SLC1A6: variants seen among roughly 807,000 people sequenced by gnomAD.
SLC1A6 encodes the protein solute carrier family 1 member 6.
In SLC1A6, 15 loss-of-function variants were observed where a neutral mutation model predicts 42.1. That is an observed-to-expected ratio of 0.36 (90% CI 0.24 to 0.55). The LOEUF is 0.55. Among genes scored for constraint, SLC1A6 ranks in the 20% least tolerant of loss-of-function variants. The probability of loss-of-function intolerance (pLI) is 0.88; values close to 1 mark genes in which losing one functional copy is unlikely to be tolerated. For missense variants in SLC1A6, 542 were observed against 772.5 expected (o/e 0.70, Z 3.54); for synonymous variants, 317 against 319.7 (o/e 0.99, Z 0.09).
At chr19:14,980,558 G>A (rs1265792620), upstream of SLC1A6, among the ~76,000 whole-genome samples, 1 of 151,370 alleles carries the variant, frequency 6.6e-6, no homozygotes, top group South Asian at 2.1e-4. Flanking sequence ...TTGGGAGGCC[G>A]AGGCGGGAGG....
At chr19:15,010,365 C>T (rs1264388222) in intron 1 of SLC1A6, 9 of 362,210 alleles carry the variant, frequency 2.5e-5, no homozygotes, top group East Asian at 1.6e-4. Flanking sequence ...AACAGCAAGT[C>T]CCAAGCTTCC....
At chr19:14,955,273 G>A (rs528310029) in intron 7 of SLC1A6, among the ~76,000 whole-genome samples, 1 of 152,178 alleles carries the variant, frequency 6.6e-6, no homozygotes, top group Admixed American at 6.5e-5. Context: ...CCAGCGTTAT[G>A]GGCAATTTTA....
At chr19:14,992,478 C>G (rs1011955713) in intron 1 of SLC1A6, among the ~76,000 whole-genome samples, 1 of 151,986 alleles carries the variant, frequency 6.6e-6, no homozygotes, top group Non-Finnish European at 1.5e-5. Context: ...TAGTGGCTCA[C>G]GCCTGTAATC....
At chr19:14,966,041 C>T (rs550158909) in intron 4 of SLC1A6, among the ~76,000 whole-genome samples, 18 of 151,860 alleles carry the variant, frequency 1.2e-4, no homozygotes, top group African/African-American at 2.4e-4. Flanking sequence ...AAGCGGGAGG[C>T]GGGGAGAGTA....
intron 1 of SLC1A6, among the ~76,000 whole-genome samples, chr19:14,985,118 G>A (rs1270684559): frequency 3.3e-5 from 5 of 152,204 alleles, no homozygotes; most frequent in Non-Finnish European, 7.3e-5. Flanking sequence ...CTGACCTTAG[G>A]TGATCCGCCC....
At chr19:14,996,528 T>TTCTTCTTC (rs2045846808) in intron 1 of SLC1A6, among the ~76,000 whole-genome samples, 2 of 125,952 alleles carry the variant, frequency 1.6e-5, no homozygotes, top group South Asian at 6.1e-4. Flanking sequence ...CCTCCTCCTC[T>TTCTTCTTC]TTCTTCTTCT....
upstream of SLC1A6, among the ~76,000 whole-genome samples, chr19:14,984,545 G>A (rs1308756752): frequency 3.9e-5 from 6 of 152,148 alleles, no homozygotes; most frequent in South Asian, 6.2e-4. Flanking sequence ...TCTTTGAGAC[G>A]ACACCAAAAT....
intron 6 of SLC1A6, among the ~76,000 whole-genome samples, chr19:14,960,801 G>A (rs570167769): frequency 6.6e-6 from 1 of 152,248 alleles, no homozygotes; most frequent in East Asian, 1.9e-4. Flanking sequence ...TTGATCAAGG[G>A]TACAAAATTT....
intron 1 of SLC1A6, among the ~76,000 whole-genome samples, chr19:15,002,267 GT>G (rs1314693062): frequency 4.6e-5 from 7 of 151,724 alleles, no homozygotes; most frequent in Non-Finnish European, 8.8e-5. Flanking sequence ...TTTTTGTTTT[GT>G]TTGGTTTGGT....
intron 1 of SLC1A6, chr19:14,974,232 C>T (rs942062161): frequency 1.3e-5 from 2 of 152,056 alleles, no homozygotes; most frequent in Admixed American, 6.6e-5. Flanking sequence ...TGGCAGGTGC[C>T]TGTAGTCCCA....
At chr19:14,968,116 T>A (rs1414317333) in intron 4 of SLC1A6, among the ~76,000 whole-genome samples, 187 bp downstream of exon 4, 1 of 67,432 alleles carries the variant, frequency 1.5e-5, no homozygotes, top group East Asian at 2.4e-4. Context: ...AATATGCATG[T>A]TTAGCCAACC....
At chr19:15,006,552 C>A (rs1327380983) in intron 1 of SLC1A6, among the ~76,000 whole-genome samples, 1 of 151,980 alleles carries the variant, frequency 6.6e-6, no homozygotes, top group Non-Finnish European at 1.5e-5. Flanking sequence ...CCCCACCCCC[C>A]ATTACTGAAT....
chr19:14,950,284 G>C lies in SLC1A6; in HGVS notation c.1606C>G (p.Leu536Val). The C allele has an allele frequency of 6.2e-7, 1 of 1,612,332 alleles. No individual in the cohort carries two copies. The highest frequency in any genetic ancestry group is 8.5e-7 in the Non-Finnish European group (1 of 1,179,018). Reference protein sequence around the residue: ...ELELQEAELTLPSLGKPYKSL... With the variant: ...ELELQEAELTVPSLGKPYKSL... ...TTGTAGGGTTTCCCCAGGCTGGGGA[G>C]GGTAAGCTCAGCTTCCTGAAGCTCC... Residue 536 changes from leucine to valine, a missense_variant, in exon 10 of 10, where the codon CTC becomes GTC. Around this residue, in one of 6 missense-constraint regions of SLC1A6, gnomAD observed 73 missense variants for 85.2 expected, o/e 0.86. Transcript: ENST00000594383.
chr19:15,009,745 C>T (rs1454719021), intron 1 of SLC1A6, among the ~76,000 whole-genome samples: 1 of 152,084 alleles, frequency 6.6e-6, no homozygotes, highest in African/African-American at 2.4e-5. Flanking sequence ...CACTTGTATC[C>T]CAAATCCATA....
At chr19:14,975,575 C>T (rs1055696231) in intron 1 of SLC1A6, among the ~76,000 whole-genome samples, 19 of 151,678 alleles carry the variant, frequency 1.3e-4, no homozygotes, top group African/African-American at 4.4e-4. Flanking sequence ...GCCAACATGG[C>T]GAAACCCCAT....
intron 1 of SLC1A6, among the ~76,000 whole-genome samples, chr19:15,005,511 C>T (rs1263699559): frequency 2.0e-5 from 3 of 151,794 alleles, no homozygotes; most frequent in African/African-American, 7.3e-5. Context: ...CTCCTTCTCA[C>T]AAAAACAAAA....
chr19:14,957,103 A>G (rs982811230), intron 6 of SLC1A6, among the ~76,000 whole-genome samples: 1 of 151,954 alleles, frequency 6.6e-6, no homozygotes, highest in Non-Finnish European at 1.5e-5. Context: ...AGCTTCCCTT[A>G]TCTTCTGCCC....
At chr19:15,004,449 C>A (rs1219876634) in intron 1 of SLC1A6, among the ~76,000 whole-genome samples, 1 of 150,744 alleles carries the variant, frequency 6.6e-6, no homozygotes, top group Non-Finnish European at 1.5e-5. Flanking sequence ...TGGCCATAAT[C>A]CCAGCACTTT....
intron 6 of SLC1A6, 61 bp from the exon 7 acceptor site, chr19:14,956,770 G>T (rs2045466699): frequency 4.2e-6 from 5 of 1,176,900 alleles, no homozygotes; most frequent in Admixed American, 3.9e-5. Flanking sequence ...CAGGTCTGAA[G>T]GTGGCATCCC....
Sources: allele counts gnomAD v4.1 joint callset (sites outside exome capture counted in the v4.1 genomes callset), GRCh38; gene constraint gnomAD v4.1.1; regional missense constraint gnomAD v4.1.1; transcripts MANE v1.5; gene names NCBI Gene and HGNC (gene_info 2026-07-23, HGNC 2026-07-21).